The following ADGRV1 variants were observed in gnomAD, a reference collection of about 807,000 sequenced individuals.
ADGRV1 encodes the protein adhesion G protein-coupled receptor V1, also known as G-protein coupled receptor 98.
A neutral mutation model predicts 596.2 loss-of-function variants in ADGRV1; 359 were observed. The observed-to-expected ratio is 0.60, with a 90% CI of 0.55 to 0.66. The LOEUF (loss-of-function observed/expected upper bound fraction) is 0.66. Among genes scored for constraint, ADGRV1 ranks in the 30% least tolerant of loss-of-function variants. The pLI is 0.00. For missense variants in ADGRV1, 7,274 were observed against 7,575.6 expected, an observed-to-expected ratio of 0.96 and a Z score of 1.48; for synonymous variants, 2,681 against 2,679.2, an observed-to-expected ratio of 1.00 and a Z score of -0.02.
intron 86 of ADGRV1, among the ~76,000 whole-genome samples, chr5:91,076,904 A>G (rs1349429162): frequency 6.6e-6 from 1 of 151,990 alleles, no homozygotes; most frequent in Non-Finnish European, 1.5e-5. Flanking sequence ...GTACATGTGC[A>G]CAACGTGCAG....
chr5:90,920,411 CTT>C (rs1773775635), intron 83 of ADGRV1, among the ~76,000 whole-genome samples: 1 of 152,068 alleles, frequency 6.6e-6, no homozygotes, highest in Non-Finnish European at 1.5e-5. Context: ...AACAAATACT[CTT>C]TTGAAAATGG....
At chr5:90,816,722 C>T (rs1762934581) in intron 75 of ADGRV1, among the ~76,000 whole-genome samples, 1 of 151,848 alleles carries the variant, frequency 6.6e-6, no homozygotes, top group South Asian at 2.1e-4. Context: ...TCATCCATGT[C>T]CCTACAAAGG....
At chr5:90,946,615 C>A (rs577687223) in intron 83 of ADGRV1, among the ~76,000 whole-genome samples, 48 of 152,158 alleles carry the variant, frequency 3.2e-4, no homozygotes, top group African/African-American at 9.9e-4. Context: ...TCCCTCCCCC[C>A]ACTCCCCACA....
At position 91,150,152 on chromosome 5, in the gene ADGRV1, G is replaced by T; in HGVS notation, c.18555G>T (p.Gly6185=). Residue 6185 remains glycine (G), a synonymous_variant, in exon 88 of 90, where the codon GGG becomes GGT. Coordinates refer to ENST00000405460, the MANE Select transcript of ADGRV1 (RefSeq NM_032119.4). ...CCAGCACAGCCTTTTTCACGCCCGG[G>T]AGTGGAATGCCTCCTGCTGGAGGGG... The part of the protein sequence containing the change: ...PGPSTAFFTP[G]SGMPPAGGEI... 6.3e-7 allele frequency: 1 copy of T among 1,595,814 alleles called. No homozygotes were observed. Among genetic ancestry groups the T allele is most frequent in the East Asian group, 2.2e-5 (1 of 44,626 alleles).
intron 89 of ADGRV1, among the ~76,000 whole-genome samples, chr5:91,161,787 A>G (rs537076558): frequency 6.6e-6 from 1 of 152,162 alleles, no homozygotes; most frequent in African/African-American, 2.4e-5. Flanking sequence ...AGGGATGAGA[A>G]CTTTTCACAT....
chr5:90,644,348 G>C (rs1341339104), intron 14 of ADGRV1, among the ~76,000 whole-genome samples: 3 of 152,138 alleles, frequency 2.0e-5, no homozygotes, highest in African/African-American at 7.2e-5. Flanking sequence ...TGTCTGTCTG[G>C]ATAAGGAAAT....
chr5:90,652,069 A>T (rs1768711412), intron 18 of ADGRV1, among the ~76,000 whole-genome samples: 1 of 151,774 alleles, frequency 6.6e-6, no homozygotes, highest in South Asian at 2.1e-4. Flanking sequence ...CTTTTGGAAA[A>T]CTTTTTCCAA....
chr5:90,786,610 G>C (rs948607174), intron 67 of ADGRV1, among the ~76,000 whole-genome samples: 1 of 152,148 alleles, frequency 6.6e-6, no homozygotes, highest in African/African-American at 2.4e-5. Context: ...AAAGCTGATG[G>C]TGGCTCAGAC....
chr5:90,711,149 T>G, intron 40 of ADGRV1, 35 bp from the exon 41 acceptor site: 1 of 1,583,798 alleles, frequency 6.3e-7, no homozygotes, highest in Non-Finnish European at 8.6e-7. Context: ...AAATTAATTT[T>G]TTTTGTTTGT....
At chr5:91,046,381 T>A (rs1785811078) in intron 85 of ADGRV1, among the ~76,000 whole-genome samples, 2 of 152,100 alleles carry the variant, frequency 1.3e-5, no homozygotes, top group South Asian at 4.1e-4. Context: ...CCAACTGATC[T>A]GTGACAAAGC....
chr5:90,944,191 C>A (rs1776390053), intron 83 of ADGRV1, among the ~76,000 whole-genome samples: 1 of 151,848 alleles, frequency 6.6e-6, no homozygotes, highest in African/African-American at 2.4e-5. Flanking sequence ...ATCTTTTTTC[C>A]CTCTGGCTAA....
intron 70 of ADGRV1, among the ~76,000 whole-genome samples, chr5:90,796,783 A>G (rs1760765973): frequency 6.6e-6 from 1 of 152,204 alleles, no homozygotes; most frequent in Non-Finnish European, 1.5e-5. Context: ...CTCAGCACAA[A>G]CCCTACAAGC....
chr5:90,683,591 A>C lies in ADGRV1; in HGVS notation c.5670A>C (p.Ile1890=). Residue 1890 remains isoleucine, a synonymous_variant, in exon 28 of 90, where the codon ATA becomes ATC. Transcript: ENST00000405460. Reference sequence around the variant, plus strand: ...TAATATTAAGTATTTTGTAGGTTATAAGACATCATGGAACTCTGTCTCCAG... The same window carrying C: ...TAATATTAAGTATTTTGTAGGTTATCAGACATCATGGAACTCTGTCTCCAG... ...DGYSTVTLNV[I]RHHGTLSPVT... 2 of 1,594,360 alleles carry C rather than the reference A, an allele frequency of 1.3e-6. No homozygotes were observed. The highest frequency in any genetic ancestry group is 1.3e-5 in the African/African-American group (1 of 74,628).
rs111033470 is a variant in ADGRV1, at chr5:90,692,732, G to A, written c.7079G>A (p.Arg2360His). The change falls in exon 32 of 90, where the codon CGT (arginine) becomes CAT (histidine). Residue 2360 changes from arginine to histidine, a missense_variant. By Grantham distance (29) the Arg-to-His change is conservative. Coordinates refer to ENST00000405460, the MANE Select transcript of ADGRV1 (RefSeq NM_032119.4). ...GTVAFAQMVY[R>H]VQEPLERSSC... ...GTAGCCTTTGCTCAGATGGTTTATC[G>A]TGTTCAAGAGCCTCTGGAAAGAAGT... The A allele has an allele frequency of 1.3e-3, 2,153 of 1,608,016 alleles. 23 individuals carry two copies. In the African/African-American group the frequency reaches 0.026, roughly 19 times the overall value.
In ADGRV1 at chr5:90,810,875, T is replaced by A. The variant is rs1762376925; in HGVS notation, c.15615T>A (p.Pro5205=). The change falls in exon 74 of 90, where the codon CCT becomes CCA. Residue 5205 remains proline, a synonymous_variant. Coordinates refer to ENST00000405460, the MANE Select transcript of ADGRV1 (RefSeq NM_032119.4). The part of the protein sequence containing the change: ...LHGTPAVSEK[P]DVATVTANVS... ...GCACACCTGCTGTGTCTGAAAAGCC[T>A]GATGTGGCCACTGTAACTGCCAATG... 2 of 1,614,058 alleles carry A rather than the reference T, an allele frequency of 1.2e-6. No homozygotes were observed. Among genetic ancestry groups the A allele is most frequent in the Non-Finnish European group, 1.7e-6 (2 of 1,179,904 alleles).
chr5:90,617,266 C>T (rs1479214146), intron 2 of ADGRV1: 2 of 151,526 alleles, frequency 1.3e-5, no homozygotes, highest in Non-Finnish European at 2.9e-5. Context: ...TATTTGTTTT[C>T]GTTTCACAGC....
Position 90,614,836 on chromosome 5 carries a change from G to A in ADGRV1, c.24G>A (p.Gly8=), listed in dbSNP as rs374852466. ...AATATTTTTTTCTTTTTGTTTTAGGGATGCCCTCTGCATCTTTATTAGTAA... is the reference window on the plus strand; with the variant it reads ...AATATTTTTTTCTTTTTGTTTTAGGAATGCCCTCTGCATCTTTATTAGTAA... MSVFLGP[G]MPSASLLVNL... is the part of the protein sequence containing the mutation. Residue 8 remains glycine (G), a splice_region_variant and synonymous_variant, in exon 2 of 90, where the codon GGG becomes GGA. Transcript: ENST00000405460. The A allele has an allele frequency of 3.7e-6, 6 of 1,604,000 alleles. No individual in the cohort carries two copies. The highest frequency in any genetic ancestry group is 5.1e-6 in the Non-Finnish European group (6 of 1,172,472).
chr5:90,814,091 A>T (rs1762689951), intron 74 of ADGRV1, among the ~76,000 whole-genome samples: 1 of 152,226 alleles, frequency 6.6e-6, no homozygotes, highest in Non-Finnish European at 1.5e-5. Context: ...GGTGACAAGA[A>T]AAGAATTGCT....
chr5:90,599,738 T>C (rs958065189), intron 1 of ADGRV1, among the ~76,000 whole-genome samples: 1 of 152,166 alleles, frequency 6.6e-6, no homozygotes, highest in Non-Finnish European at 1.5e-5. Flanking sequence ...ACATGAAATC[T>C]CACAAGTTCA....
Sources: gnomAD v4.1 joint callset for allele counts (sites outside exome capture counted in the v4.1 genomes callset) on GRCh38, gnomAD v4.1.1 for gene constraint, MANE v1.5 for transcripts, NCBI Gene and HGNC (gene_info 2026-07-23, HGNC 2026-07-21) for gene names.